The following TMC2 variants were observed in gnomAD, a reference collection of about 807,000 sequenced individuals.
TMC2 encodes transmembrane channel-like protein 2.
In TMC2, 102 loss-of-function variants were observed where a neutral mutation model predicts 105.9. That is an observed-to-expected ratio of 0.96 (90% CI 0.82 to 1.14). The LOEUF (loss-of-function observed/expected upper bound fraction) is 1.14. Ranked by LOEUF, TMC2 falls within the 50% of genes most tolerant of loss-of-function variation. The pLI is 0.00. For missense variants in TMC2, 1,093 were observed against 1,134.3 expected, an observed-to-expected ratio of 0.96 and a Z score of 0.52; for synonymous variants, 402 against 422.8, an observed-to-expected ratio of 0.95 and a Z score of 0.60.
At chr20:2,612,968 A>G (rs1000263717) in intron 13 of TMC2, among the ~76,000 whole-genome samples, 1 of 152,236 alleles carries the variant, frequency 6.6e-6, no homozygotes, top group African/African-American at 2.4e-5. Flanking sequence ...CAAGAGGTTC[A>G]GAGATTATTC....
In TMC2 at chr20:2,612,220, C is replaced by G. The variant is rs890041583; in HGVS notation, c.1623C>G (p.Ile541Met). 1 of 1,610,402 alleles carries G rather than the reference C, an allele frequency of 6.2e-7. No homozygotes were observed. Among genetic ancestry groups the G allele is most frequent in the Non-Finnish European group, 8.5e-7 (1 of 1,178,024 alleles). The change falls in exon 13 of 20, where the codon ATC (isoleucine) becomes ATG (methionine). Residue 541 changes from isoleucine to methionine, a missense_variant. Physicochemically the swap from Ile to Met is conservative, Grantham distance 10. Coordinates refer to ENST00000358864, the MANE Select transcript of TMC2 (RefSeq NM_080751.3). The part of the protein sequence containing the change: ...KLANEETIKN[I>M]THWTLFNYYN... ...CTAATGAAGAGACAATAAAGAACAT[C>G]ACTCACTGGACTCTGTTTAACTATT...
At chr20:2,566,621 G>A (rs1156405139) in intron 4 of TMC2, among the ~76,000 whole-genome samples, 3 of 152,154 alleles carry the variant, frequency 2.0e-5, no homozygotes, top group South Asian at 2.1e-4. Flanking sequence ...GAGTAGAGAC[G>A]CTTTTCCCTA....
rs139309364 is a variant in TMC2, at chr20:2,592,588, C to T, written c.933+180C>T. Among the ~76,000 whole-genome samples the T allele has an allele frequency of 1.6e-4, 24 of 152,314 alleles. No individual in the cohort carries two copies. The South Asian group carries it at 3.9e-3, about 25-fold the overall frequency. Reference sequence around the variant, plus strand: ...GCACAGTCTTCCCGGGTCTCCTTCACGCACTGCTCTCTCCAGCCACACTCT... The same window carrying T: ...GCACAGTCTTCCCGGGTCTCCTTCATGCACTGCTCTCTCCAGCCACACTCT... On this transcript the variant is annotated intron_variant, in intron 8 of 19. Coordinates refer to ENST00000358864, the MANE Select transcript of TMC2 (RefSeq NM_080751.3). This position sits in a 1 kb window ranked among gnomAD's most constrained non-coding sequence, Gnocchi z 4.9.
chr20:2,542,972 C>A (rs2085900054), intron 2 of TMC2, among the ~76,000 whole-genome samples: 1 of 151,928 alleles, frequency 6.6e-6, no homozygotes, highest in Non-Finnish European at 1.5e-5. Context: ...CATGGTGGCA[C>A]ACACCTGTAA....
intron 4 of TMC2, among the ~76,000 whole-genome samples, chr20:2,564,226 C>T (rs2086048151): frequency 2.8e-5 from 4 of 145,410 alleles, no homozygotes; most frequent in Admixed American, 1.4e-4. Flanking sequence ...TCTCGGCTCA[C>T]TGCAACCTCC....
At chr20:2,617,916 G>T (rs972351426) in intron 16 of TMC2, 26 of 153,460 alleles carry the variant, frequency 1.7e-4, no homozygotes, top group Admixed American at 4.5e-4. Context: ...TTGCCATGTT[G>T]CCCAGGCTGG....
At chr20:2,543,860 T>C (rs1308691163) in intron 2 of TMC2, among the ~76,000 whole-genome samples, 1 of 151,974 alleles carries the variant, frequency 6.6e-6, no homozygotes, top group Non-Finnish European at 1.5e-5. Flanking sequence ...AACAGTTGTT[T>C]CACATCCAGT....
At chr20:2,556,185 G>A (rs759905490) in intron 2 of TMC2, among the ~76,000 whole-genome samples, 4 of 151,942 alleles carry the variant, frequency 2.6e-5, no homozygotes, top group African/African-American at 4.8e-5. Flanking sequence ...ACCTCCTAGC[G>A]TCAAGTGATT....
Position 2,576,900 on chromosome 20 carries a change from G to GT in TMC2, c.646-2234dup, listed in dbSNP as rs796520290. ...TTTTTGGGTTTGGGGTTTCTTCTTG[G>GT]TTTTTTTTTTTTGTTTTTTTTTTTT... On this transcript the variant is annotated intron_variant, in intron 5 of 19. Transcript: ENST00000358864. Among the ~76,000 whole-genome samples the GT allele has an allele frequency of 8.8e-3, 1,048 of 118,642 alleles. 10 individuals carry two copies. The highest frequency in any genetic ancestry group is 0.029 in the African/African-American group (773 of 27,022). 77.8% of individuals were successfully genotyped at this position (118,642 alleles called of 152,430 possible).
chr20:2,613,455 A>G (rs925230916), intron 14 of TMC2, 133 bp downstream of exon 14: 4 of 1,328,486 alleles, frequency 3.0e-6, no homozygotes, highest in Admixed American at 1.9e-5. Flanking sequence ...GTAGAGTAGT[A>G]AAGTGTTTAA....
chr20:2,573,106 T>C (rs2086115027), intron 5 of TMC2, among the ~76,000 whole-genome samples: 2 of 152,020 alleles, frequency 1.3e-5, no homozygotes, highest in South Asian at 2.1e-4. Context: ...GGACTACAGG[T>C]GCACTCCACC....
chr20:2,622,143 T>C (rs1335022656), intron 16 of TMC2, among the ~76,000 whole-genome samples: 2 of 152,172 alleles, frequency 1.3e-5, no homozygotes, highest in East Asian at 3.8e-4. Context: ...TGGGCAACAG[T>C]TGTAAGCAAT....
chr20:2,626,871 A>C (rs891320346), intron 17 of TMC2, among the ~76,000 whole-genome samples: 1 of 152,222 alleles, frequency 6.6e-6, no homozygotes, highest in African/African-American at 2.4e-5. Flanking sequence ...TGTTTTAAAG[A>C]ACGGGTCAGG....
intron 2 of TMC2, among the ~76,000 whole-genome samples, chr20:2,538,276 T>C (rs981048781): frequency 1.3e-5 from 2 of 152,036 alleles, no homozygotes; most frequent in African/African-American, 4.8e-5. Flanking sequence ...TGGCAGGGGG[T>C]GCAGCCATGG....
intron 14 of TMC2, among the ~76,000 whole-genome samples, chr20:2,615,256 G>C (rs1042966122): frequency 3.9e-5 from 6 of 152,208 alleles, no homozygotes. Flanking sequence ...AGGAGGCAGA[G>C]GTTGCAGTGA....
chr20:2,631,043 A>AT (rs1180440092), intron 17 of TMC2, among the ~76,000 whole-genome samples: 1 of 152,088 alleles, frequency 6.6e-6, no homozygotes, highest in African/African-American at 2.4e-5. Context: ...TGGGTTAAAT[A>AT]TTTTAGTACA....
chr20:2,553,977 T>C (rs2085971676), intron 2 of TMC2, among the ~76,000 whole-genome samples: 1 of 152,094 alleles, frequency 6.6e-6, no homozygotes, highest in African/African-American at 2.4e-5. Context: ...CTCTGCCTCC[T>C]GGGTTCAAGT....
intron 2 of TMC2, among the ~76,000 whole-genome samples, chr20:2,544,163 G>C (rs2085909513): frequency 6.7e-6 from 1 of 149,976 alleles, no homozygotes; most frequent in African/African-American, 2.5e-5. Flanking sequence ...TGATCTGCCT[G>C]CCTTGGCTTC....
intron 5 of TMC2, among the ~76,000 whole-genome samples, chr20:2,573,639 C>A (rs182850354): frequency 3.4e-5 from 5 of 147,818 alleles, no homozygotes; most frequent in Admixed American, 2.0e-4. Flanking sequence ...CGGCTCACTG[C>A]GAGCTCTGCC....
Sources: allele counts gnomAD v4.1 joint callset (sites outside exome capture counted in the v4.1 genomes callset), GRCh38; gene constraint gnomAD v4.1.1; non-coding constraint Gnocchi (gnomAD v3.1); transcripts MANE v1.5; gene names NCBI Gene and HGNC (gene_info 2026-07-23, HGNC 2026-07-21).